NUMB: variants seen among roughly 807,000 people sequenced by gnomAD.
NUMB encodes protein numb homolog.
In NUMB, 29 loss-of-function variants were observed where a neutral mutation model predicts 59.7. The observed-to-expected ratio is 0.49, with a 90% CI of 0.36 to 0.66. The LOEUF (loss-of-function observed/expected upper bound fraction) is 0.66, where lower values mean the gene tolerates loss of function less well. NUMB is among the 30% of genes least tolerant of loss of function. The probability of loss-of-function intolerance (pLI) is 0.00; values close to 1 mark genes in which losing one functional copy is unlikely to be tolerated. For missense variants in NUMB, 723 were observed against 822.0 expected (o/e 0.88, Z 1.47); for synonymous variants, 288 against 288.2 (o/e 1.00, Z 0.01).
At chr14:73,389,301 A>AAAAAAAAAAAAAAAAAAAAAAC (rs1895727814) in intron 2 of NUMB, among the ~76,000 whole-genome samples, 1 of 137,332 alleles carries the variant, frequency 7.3e-6, no homozygotes, top group African/African-American at 2.7e-5. Flanking sequence ...AAACAAAAAC[A>AAAAAAAAAAAAAAAAAAAAAAC]AAAACACTGG....
At chr14:73,343,002 G>GT (rs550788713) in intron 4 of NUMB, among the ~76,000 whole-genome samples, 41,808 of 146,326 alleles carry the variant, frequency 0.29, 7,319 homozygotes, top group African/African-American at 0.5. Context: ...AATTTTTTCT[G>GT]TTTTTTTTTT....
chr14:73,350,074 TACATACACAC>T lies in NUMB; in HGVS notation c.126+5542_126+5551del, dbSNP rs1395108120. 7.8e-4 allele frequency among the ~76,000 whole-genome samples: 102 copies of T among 131,150 alleles called. 1 individual carries two copies. Among genetic ancestry groups the T allele is most frequent in the African/African-American group, 2.8e-3 (90 of 32,620 alleles). The allele number at this position is 131,150 out of a possible 152,430, so 86.0% of individuals were successfully genotyped here. On this transcript the variant is annotated intron_variant, in intron 4 of 12. Transcript: ENST00000555238. Reference sequence around the variant, plus strand: ...ATACATACATATATACATACATACATACATACACACACACACACACACACACACACACACT... The same window carrying T: ...ATACATACATATATACATACATACATACACACACACACACACACACACACT...
chr14:73,329,943 T>A (rs1009771502), intron 4 of NUMB, among the ~76,000 whole-genome samples: 6 of 152,250 alleles, frequency 3.9e-5, no homozygotes, highest in African/African-American at 1.4e-4. Flanking sequence ...CTTAGCTTGT[T>A]GAAAACTGCA....
chr14:73,318,581 C>T (rs1314282486), intron 5 of NUMB, among the ~76,000 whole-genome samples: 1 of 152,170 alleles, frequency 6.6e-6, no homozygotes, highest in African/African-American at 2.4e-5. Flanking sequence ...AGGCCTTATA[C>T]ACTTTTTTAT....
chr14:73,286,050 G>A (rs957193642), intron 9 of NUMB: 1 of 151,746 alleles, frequency 6.6e-6, no homozygotes, highest in Admixed American at 6.6e-5. Flanking sequence ...AAGAGACAGG[G>A]TTTTGCTGTT....
chr14:73,359,141 T>C (rs1337490220), intron 3 of NUMB, among the ~76,000 whole-genome samples: 1 of 152,230 alleles, frequency 6.6e-6, no homozygotes, highest in Non-Finnish European at 1.5e-5. Context: ...CTTTCTTTTT[T>C]AAAAAATGAA....
chr14:73,282,249 G>A, intron 11 of NUMB, 110 bp downstream of exon 11: 1 of 923,576 alleles, frequency 1.1e-6, no homozygotes, highest in South Asian at 2.2e-5. Context: ...AGAAATTAAT[G>A]GGTCTGACCA....
intron 4 of NUMB, among the ~76,000 whole-genome samples, chr14:73,353,072 GTTTTTTTTTTTTT>G (rs71112737): frequency 4.4e-4 from 26 of 58,520 alleles, no homozygotes; most frequent in South Asian, 3.1e-3. Flanking sequence ...AGTTTTTCTT[GTTTTTTTTTTTTT>G]TTTTTTTTTT....
intron 2 of NUMB, among the ~76,000 whole-genome samples, chr14:73,388,711 C>G (rs867391345): frequency 1.3e-5 from 2 of 152,120 alleles, no homozygotes; most frequent in Non-Finnish European, 2.9e-5. Flanking sequence ...GCCTGTAATC[C>G]CAGCACTTTG....
chr14:73,286,354 G>A (rs189916217), intron 9 of NUMB: 3 of 151,872 alleles, frequency 2.0e-5, no homozygotes, highest in Admixed American at 6.6e-5. Context: ...TTATATTAAT[G>A]TCTATTAGTT....
At chr14:73,412,399 A>C (rs1896936975) in intron 1 of NUMB, among the ~76,000 whole-genome samples, 1 of 152,000 alleles carries the variant, frequency 6.6e-6, no homozygotes, top group Non-Finnish European at 1.5e-5. Context: ...AGGCTGAGGC[A>C]GGCAGATCAC....
chr14:73,450,107 T>G (rs534933141), intron 1 of NUMB, among the ~76,000 whole-genome samples: 11 of 152,370 alleles, frequency 7.2e-5, no homozygotes, highest in African/African-American at 2.2e-4. Flanking sequence ...AGATCTAATG[T>G]GATAATTATT....
intron 1 of NUMB, among the ~76,000 whole-genome samples, chr14:73,412,805 A>AT (rs1896956568): frequency 1.3e-5 from 2 of 151,424 alleles, no homozygotes; most frequent in Non-Finnish European, 2.9e-5. Flanking sequence ...AATTCTTCTT[A>AT]TTTTTTTATA....
chr14:73,321,235 T>C (rs1313592320), intron 5 of NUMB, among the ~76,000 whole-genome samples: 1 of 152,182 alleles, frequency 6.6e-6, no homozygotes, highest in Non-Finnish European at 1.5e-5. Flanking sequence ...CATTCCACAG[T>C]GGCCATTTCA....
At chr14:73,361,445 T>C (rs567281940) in intron 3 of NUMB, among the ~76,000 whole-genome samples, 2 of 152,322 alleles carry the variant, frequency 1.3e-5, no homozygotes, top group East Asian at 3.8e-4. Flanking sequence ...ATTTTTTTGA[T>C]GTTTCAGAAT....
intron 2 of NUMB, among the ~76,000 whole-genome samples, chr14:73,367,344 T>TAGAGAGAG (rs1480182542): frequency 3.1e-3 from 261 of 84,118 alleles, no homozygotes; most frequent in African/African-American, 9.2e-3. Flanking sequence ...TATATATATA[T>TAGAGAGAG]ATATAGAGAG....
At chr14:73,416,363 C>T (rs1303857002) in intron 1 of NUMB, among the ~76,000 whole-genome samples, 1 of 148,714 alleles carries the variant, frequency 6.7e-6, no homozygotes, top group Admixed American at 6.7e-5. Flanking sequence ...AATCACTATG[C>T]CAGTTAGAAT....
chr14:73,297,669 C>T (rs895061727), intron 6 of NUMB: 2 of 170,568 alleles, frequency 1.2e-5, no homozygotes, highest in African/African-American at 4.8e-5. Context: ...AGGAGTTACA[C>T]CACAAGTAGC....
chr14:73,416,251 C>T (rs1337195119), intron 1 of NUMB, among the ~76,000 whole-genome samples: 2 of 151,972 alleles, frequency 1.3e-5, no homozygotes, highest in Non-Finnish European at 2.9e-5. Flanking sequence ...AAATTTGACA[C>T]ATTCTCCATA....
Sources: gnomAD v4.1 joint callset for allele counts (sites outside exome capture counted in the v4.1 genomes callset) on GRCh38, gnomAD v4.1.1 for gene constraint, MANE v1.5 for transcripts, NCBI Gene and HGNC (gene_info 2026-07-23, HGNC 2026-07-21) for gene names.